Variants in CADPS2 observed in about 807,000 individuals in gnomAD.
CADPS2 encodes calcium dependent secretion activator 2, also known as calcium-dependent secretion activator 2.
CADPS2 carries 93 observed loss-of-function variants against 172.5 expected under a neutral mutation model. The observed-to-expected ratio is 0.54, with a 90% confidence interval of 0.46 to 0.64. The LOEUF (loss-of-function observed/expected upper bound fraction) is 0.64. CADPS2 is among the 30% of genes least tolerant of loss of function. The pLI is 0.00. For missense variants in CADPS2, 1,420 were observed against 1,565.9 expected, an observed-to-expected ratio of 0.91 and a Z score of 1.57; for synonymous variants, 546 against 555.2, an observed-to-expected ratio of 0.98 and a Z score of 0.23.
intron 8 of CADPS2, among the ~76,000 whole-genome samples, chr7:122,527,617 A>AGAGAGAGAGT: frequency 1.3e-4 from 11 of 83,888 alleles, no homozygotes; most frequent in Non-Finnish European, 2.1e-4. Context: ...AGAGAGAGAG[A>AGAGAGAGAGT]GTGTGTGTGT....
chr7:122,675,368 G>T (rs2082280425), intron 2 of CADPS2, among the ~76,000 whole-genome samples: 1 of 152,178 alleles, frequency 6.6e-6, no homozygotes, highest in Non-Finnish European at 1.5e-5. Context: ...ACCGGAAAAG[G>T]CCAGTGTGCC....
intron 2 of CADPS2, among the ~76,000 whole-genome samples, chr7:122,683,580 CAT>C (rs913956934): frequency 6.6e-6 from 1 of 152,078 alleles, no homozygotes; most frequent in Non-Finnish European, 1.5e-5. Flanking sequence ...ACTTTCTCAA[CAT>C]ATTTTTTTTA....
chr7:122,875,372 C>T (rs917894563), intron 1 of CADPS2, among the ~76,000 whole-genome samples: 1 of 152,030 alleles, frequency 6.6e-6, no homozygotes, highest in Non-Finnish European at 1.5e-5. Context: ...AATCTTTACA[C>T]AACTAAGAGA....
At chr7:122,883,960 T>A (rs1159070176) in intron 1 of CADPS2, among the ~76,000 whole-genome samples, 2 of 152,182 alleles carry the variant, frequency 1.3e-5, no homozygotes, top group Non-Finnish European at 2.9e-5. Context: ...TGCTTGCCAA[T>A]TCAAATAATT....
intron 2 of CADPS2, chr7:122,703,053 T>G (rs1438319617): frequency 3.6e-6 from 1 of 274,884 alleles, no homozygotes. Flanking sequence ...TTTATATTAG[T>G]GCATTGCATC....
At chr7:122,589,431 G>A (rs926780840) in intron 6 of CADPS2, among the ~76,000 whole-genome samples, 5 of 151,844 alleles carry the variant, frequency 3.3e-5, no homozygotes, top group African/African-American at 1.2e-4. Flanking sequence ...ATTAATATAA[G>A]CAATTAAGGC....
At chr7:122,633,380 T>C (rs2076761959) in intron 3 of CADPS2, among the ~76,000 whole-genome samples, 1 of 152,190 alleles carries the variant, frequency 6.6e-6, no homozygotes, top group Non-Finnish European at 1.5e-5. Flanking sequence ...TAAGCAGTGT[T>C]GTGTAGTTCT....
chr7:122,640,163 T>C (rs979515056), intron 3 of CADPS2, among the ~76,000 whole-genome samples: 13 of 152,262 alleles, frequency 8.5e-5, no homozygotes, highest in African/African-American at 3.1e-4. Context: ...TCCCTCACAG[T>C]CCACATCCAA....
At chr7:122,871,616 A>G (rs1458933255) in intron 1 of CADPS2, among the ~76,000 whole-genome samples, 1 of 152,078 alleles carries the variant, frequency 6.6e-6, no homozygotes, top group East Asian at 1.9e-4. Context: ...AGGAATGTCA[A>G]TGTCTGAAAA....
chr7:122,616,322 T>C (rs1395495810), intron 5 of CADPS2, among the ~76,000 whole-genome samples: 11 of 152,120 alleles, frequency 7.2e-5, no homozygotes, highest in Non-Finnish European at 1.5e-5. Flanking sequence ...TATCAGTTAC[T>C]GATCATGTAA....
At chr7:122,852,371 G>C (rs374547662) in intron 1 of CADPS2, among the ~76,000 whole-genome samples, 3 of 152,178 alleles carry the variant, frequency 2.0e-5, no homozygotes, top group African/African-American at 7.2e-5. Flanking sequence ...CCCTCATGCA[G>C]CTTACATTTA....
Position 122,702,369 on chromosome 7 carries a change from T to C in CADPS2, c.453+34586A>G. On this transcript the variant is annotated intron_variant, in intron 2 of 29. Transcript: ENST00000449022. ...CCCGTACCTTGATAGTTGTAGATGA[T>C]CACCCCATTTGCTCCCTTCTCTGCT... The C allele has an allele frequency of 6.2e-7, 1 of 1,613,840 alleles. No individual in the cohort carries two copies.
chr7:122,668,467 T>C lies in CADPS2; in HGVS notation c.454-4898A>G, dbSNP rs534895104. Among the ~76,000 whole-genome samples the C allele has an allele frequency of 1.1e-3, 164 of 151,402 alleles. 2 individuals are homozygous for C. The South Asian group carries it at 0.034, about 32-fold the overall frequency. ...GACAAAATCTTCTGAAATGCCTACA[T>C]TTTAAAATTTGGCAAAATAACTGGA... On this transcript the variant is annotated intron_variant, in intron 2 of 29. Coordinates refer to ENST00000449022, the MANE Select transcript of CADPS2 (RefSeq NM_017954.11).
chr7:122,815,575 T>C (rs1409597301), intron 1 of CADPS2, among the ~76,000 whole-genome samples: 4 of 150,526 alleles, frequency 2.7e-5, no homozygotes, highest in South Asian at 2.1e-4. Flanking sequence ...ACAATAGCAA[T>C]AGACCTGGAG....
intron 5 of CADPS2, among the ~76,000 whole-genome samples, chr7:122,616,391 G>A (rs1276291092): frequency 6.6e-6 from 1 of 151,882 alleles, no homozygotes; most frequent in African/African-American, 2.4e-5. Flanking sequence ...ATCCAAAAGG[G>A]CTCAAAAAAC....
chr7:122,510,678 C>T (rs1017568094), intron 9 of CADPS2, among the ~76,000 whole-genome samples: 1 of 152,154 alleles, frequency 6.6e-6, no homozygotes, highest in African/African-American at 2.4e-5. Context: ...GGTATACTGT[C>T]CTCCCTGTGA....
chr7:122,568,656 G>C (rs993983315), intron 7 of CADPS2, among the ~76,000 whole-genome samples: 2 of 151,996 alleles, frequency 1.3e-5, no homozygotes, highest in Non-Finnish European at 1.5e-5. Flanking sequence ...TAAAAACTTT[G>C]ATCTATATGT....
At chr7:122,833,158 A>G in intron 1 of CADPS2, among the ~76,000 whole-genome samples, 1 of 152,140 alleles carries the variant, frequency 6.6e-6, no homozygotes, top group East Asian at 1.9e-4. Context: ...TGATCACATG[A>G]GACACTATTT....
chr7:122,642,937 TATA>T (rs1344093897), intron 3 of CADPS2, among the ~76,000 whole-genome samples: 4 of 152,240 alleles, frequency 2.6e-5, no homozygotes, highest in African/African-American at 4.8e-5. Flanking sequence ...TTTGTTTTCT[TATA>T]ATATTTATCT....
Sources: gnomAD v4.1 joint callset for allele counts (sites outside exome capture counted in the v4.1 genomes callset) on GRCh38, gnomAD v4.1.1 for gene constraint, MANE v1.5 for transcripts, NCBI Gene and HGNC (gene_info 2026-07-23, HGNC 2026-07-21) for gene names.